Variants in PKD1L1 observed in about 807,000 individuals in gnomAD.
PKD1L1 encodes the protein polycystin-1-like protein 1.
Under a neutral mutation model 323.4 loss-of-function variants are expected in PKD1L1, and 236 were observed. That is an observed-to-expected ratio of 0.73 (90% CI 0.66 to 0.81). The LOEUF (loss-of-function observed/expected upper bound fraction) is 0.81, where lower values mean the gene tolerates loss of function less well. Ranked by LOEUF, PKD1L1 falls within the 40% of genes least tolerant of loss-of-function variation. The pLI is 0.00. For synonymous variants in PKD1L1, 1,344 were observed against 1,335.0 expected (o/e 1.01, Z -0.15); for missense variants, 3,320 against 3,508.0 (o/e 0.95, Z 1.35).
At chr7:47,778,469 G>T (rs1584937775) in intron 56 of PKD1L1, among the ~76,000 whole-genome samples, 1 of 152,174 alleles carries the variant, frequency 6.6e-6, no homozygotes, top group Non-Finnish European at 1.5e-5. Context: ...GTCACATGGA[G>T]GAGATAATAC....
intron 14 of PKD1L1, among the ~76,000 whole-genome samples, chr7:47,896,001 G>T (rs1233959625): frequency 6.6e-6 from 1 of 152,164 alleles, no homozygotes. Context: ...ACTCTTGCCT[G>T]GCCTTAGGTC....
In PKD1L1 at chr7:47,804,476, T is replaced by A. The variant is rs544007551; in HGVS notation, c.7828-1132A>T. On this transcript the variant is annotated intron_variant, in intron 52 of 56. Transcript: ENST00000289672. Reference sequence around the variant, plus strand: ...AGATATTTTACATTTTTAATTTTTTTTTTTTTTTTTTTTGAGAGAGAGTCT... The same window carrying A: ...AGATATTTTACATTTTTAATTTTTTATTTTTTTTTTTTTGAGAGAGAGTCT... Among the ~76,000 whole-genome samples the A allele has an allele frequency of 4.1e-5, 6 of 146,144 alleles. No individual in the cohort carries two copies. In the East Asian group the frequency reaches 9.9e-4, roughly 24 times the overall value.
chr7:47,951,130 T>C (rs1299522499), upstream of PKD1L1, among the ~76,000 whole-genome samples: 4 of 152,184 alleles, frequency 2.6e-5, no homozygotes, highest in Non-Finnish European at 5.9e-5. Flanking sequence ...TGAATAAAAT[T>C]AGGTAAATGG....
intron 26 of PKD1L1, among the ~76,000 whole-genome samples, chr7:47,864,885 G>A (rs911029093): frequency 1.3e-5 from 2 of 151,848 alleles, no homozygotes; most frequent in African/African-American, 2.4e-5. Flanking sequence ...GCGCCACCAT[G>A]CCCGGCTAAT....
chr7:47,904,277 C>T (rs1216679708), intron 12 of PKD1L1, 101 bp downstream of exon 12: 3 of 1,504,108 alleles, frequency 2.0e-6, no homozygotes, highest in Non-Finnish European at 1.8e-6. Flanking sequence ...CCTACGTTGA[C>T]TGACAGGCAG....
At position 47,835,211 on chromosome 7, in the gene PKD1L1, G is replaced by A; in HGVS notation, c.5976C>T (p.Ser1992=). The change falls in exon 38 of 57, where the codon TCC becomes TCT. Residue 1992 remains serine, a synonymous_variant. Transcript: ENST00000289672. ...GGGTACACAGGAGACCCACCCTGAA[G>A]GATCCAAGGGTGGGGCTGACGTCCA... ...PHLDVSPTLG[S]FRVGLLCTLL... The A allele has an allele frequency of 6.3e-7, 1 of 1,588,588 alleles. No homozygotes were observed. Among genetic ancestry groups the A allele is most frequent in the Non-Finnish European group, 8.5e-7 (1 of 1,173,648 alleles).
Position 47,937,042 on chromosome 7 carries a change from C to T in PKD1L1, c.286-84G>A, listed in dbSNP as rs950628284. On this transcript the variant is annotated intron_variant, in intron 3 of 56. Coordinates refer to ENST00000289672, the MANE Select transcript of PKD1L1 (RefSeq NM_138295.5). Reference sequence around the variant, plus strand: ...TGGGAAAGTAATATTACTTCATTAACAAAATAGCAGTGGACCCCTGCTGTG... The same window carrying T: ...TGGGAAAGTAATATTACTTCATTAATAAAATAGCAGTGGACCCCTGCTGTG... 2.1e-5 allele frequency: 23 copies of T among 1,107,216 alleles called. No homozygotes were observed. In the East Asian group the frequency reaches 4.0e-4, roughly 19 times the overall value. The allele number at this position is 1,107,216 out of a possible 1,614,324, so 68.6% of individuals were successfully genotyped here.
chr7:47,815,858 A>G (rs1562943686), intron 46 of PKD1L1, among the ~76,000 whole-genome samples: 1 of 152,166 alleles, frequency 6.6e-6, no homozygotes, highest in Non-Finnish European at 1.5e-5. Flanking sequence ...AAGGAGGAAA[A>G]AAAAAAAGCA....
Position 47,846,930 on chromosome 7 carries a change from G to C in PKD1L1, c.5102C>G (p.Ser1701Cys). Reference sequence around the variant, plus strand: ...CCCTGGTTGTGGAGAGAAACGTTCAGATTTCCACTCTCTCTTGTCCCAAAA... The same window carrying C: ...CCCTGGTTGTGGAGAGAAACGTTCACATTTCCACTCTCTCTTGTCCCAAAA... ...CLFWDKREWK[S>C]ERFSPQPGTS... Residue 1701 changes from serine (S) to cysteine (C), a missense_variant, in exon 32 of 57, where the codon TCT (serine) becomes TGT (cysteine). By Grantham distance (112) the Ser-to-Cys change is moderately radical. Coordinates refer to ENST00000289672, the MANE Select transcript of PKD1L1 (RefSeq NM_138295.5). The C allele has an allele frequency of 6.2e-7, 1 of 1,613,878 alleles. No homozygotes were observed. Among genetic ancestry groups the C allele is most frequent in the Middle Eastern group, 1.6e-4 (1 of 6,062 alleles).
At chr7:47,802,930 G>A (rs1784695875) in intron 53 of PKD1L1, among the ~76,000 whole-genome samples, 1 of 152,198 alleles carries the variant, frequency 6.6e-6, no homozygotes, top group African/African-American at 2.4e-5. Flanking sequence ...AAGCTCAGTA[G>A]GTGATAATAA....
intron 14 of PKD1L1, among the ~76,000 whole-genome samples, chr7:47,897,529 C>A (rs760596681): frequency 6.6e-6 from 1 of 152,184 alleles, no homozygotes; most frequent in Non-Finnish European, 1.5e-5. Flanking sequence ...TCTTTTAACT[C>A]GCATATTTTC....
At chr7:47,832,953 C>T (rs1483167999) in intron 41 of PKD1L1, 137 bp downstream of exon 41, 7 of 1,192,288 alleles carry the variant, frequency 5.9e-6, no homozygotes, top group Non-Finnish European at 8.0e-6. Context: ...TGGGTGGGCC[C>T]ATGCCTGGTT....
At chr7:47,902,659 C>T (rs1787118294) in intron 12 of PKD1L1, 148 bp from the exon 13 acceptor site, 2 of 1,035,912 alleles carry the variant, frequency 1.9e-6, no homozygotes, top group East Asian at 2.6e-5. Flanking sequence ...TCAAGGGTCA[C>T]AAGACTGATT....
intron 9 of PKD1L1, among the ~76,000 whole-genome samples, 192 bp downstream of exon 9, chr7:47,907,885 A>G (rs920344855): frequency 2.0e-5 from 3 of 152,212 alleles, no homozygotes; most frequent in Admixed American, 6.5e-5. Context: ...AAGACTTTGT[A>G]TGACTTTATC....
intron 24 of PKD1L1, among the ~76,000 whole-genome samples, chr7:47,871,905 T>C (rs2128744848): frequency 6.6e-6 from 1 of 152,254 alleles, no homozygotes; most frequent in South Asian, 2.1e-4. Flanking sequence ...TGTTCAGCGT[T>C]GAATGGAGGT....
chr7:47,948,319 T>A, intron 1 of PKD1L1, 78 bp downstream of exon 1: 2 of 1,542,654 alleles, frequency 1.3e-6, no homozygotes, highest in Non-Finnish European at 1.8e-6. Context: ...CTAGAGGTGA[T>A]GACTTTTGAA....
At chr7:47,822,432 T>C (rs1310251914) in intron 45 of PKD1L1, among the ~76,000 whole-genome samples, 1 of 87,972 alleles carries the variant, frequency 1.1e-5, no homozygotes, top group Non-Finnish European at 2.4e-5. Context: ...CTACTAAAAA[T>C]ACAAAAAAAA....
intron 13 of PKD1L1, among the ~76,000 whole-genome samples, chr7:47,899,180 T>A (rs918434516): frequency 3.9e-5 from 6 of 152,190 alleles, no homozygotes. Flanking sequence ...GATGTTACTT[T>A]TTAGATGCTC....
chr7:47,777,697 C>T (rs778820679), intron 56 of PKD1L1, among the ~76,000 whole-genome samples: 1 of 152,144 alleles, frequency 6.6e-6, no homozygotes, highest in Non-Finnish European at 1.5e-5. Context: ...TAACAAAGAG[C>T]CCCCAGATTC....
Sources: gnomAD v4.1 joint callset for allele counts (sites outside exome capture counted in the v4.1 genomes callset) on GRCh38, gnomAD v4.1.1 for gene constraint, MANE v1.5 for transcripts, NCBI Gene and HGNC (gene_info 2026-07-23, HGNC 2026-07-21) for gene names.